Variants in DNHD1 observed in about 807,000 individuals in gnomAD.
DNHD1 encodes the protein dynein heavy chain domain 1.
In DNHD1, 383 loss-of-function variants were observed where a neutral mutation model predicts 458.1. That is an observed-to-expected ratio of 0.84 (90% confidence interval 0.77 to 0.91). The LOEUF is 0.91. Among genes scored for constraint, DNHD1 ranks in the 40% least tolerant of loss-of-function variants. The probability of loss-of-function intolerance (pLI) is 0.00; values close to 1 mark genes in which losing one functional copy is unlikely to be tolerated. For synonymous variants in DNHD1, 2,203 were observed against 2,376.9 expected, an observed-to-expected ratio of 0.93 and a Z score of 2.13; for missense variants, 5,336 against 5,866.1, an observed-to-expected ratio of 0.91 and a Z score of 2.95.
At chr11:6,552,529 A>AAT (rs902860150) in intron 24 of DNHD1, among the ~76,000 whole-genome samples, 9 of 151,856 alleles carry the variant, frequency 5.9e-5, no homozygotes, top group South Asian at 4.2e-4. Context: ...CGTCCCAAAA[A>AAT]ATATATATAT....
Position 6,548,786 on chromosome 11 carries a change from C to T in DNHD1, c.7240C>T (p.His2414Tyr). 6.4e-7 allele frequency: 1 copy of T among 1,551,652 alleles called. No homozygotes were observed. The highest frequency in any genetic ancestry group is 8.7e-7 in the Non-Finnish European group (1 of 1,146,984). Residue 2414 changes from histidine to tyrosine, a missense_variant, in exon 24 of 43, where the codon CAC becomes TAC. His to Tyr is a moderately conservative substitution (Grantham distance 83, BLOSUM62 2). Transcript: ENST00000254579. This position sits in a 1 kb window ranked among gnomAD's most constrained non-coding sequence, Gnocchi z 4.4. ...TCACCCTTACATATACAGCCCCATCCACCCTGCCTTCAGTTCCTCCCACCT... is the reference window on the plus strand; with the variant it reads ...TCACCCTTACATATACAGCCCCATCTACCCTGCCTTCAGTTCCTCCCACCT... The part of the protein sequence containing the change: ...PHHPYIYSPI[H>Y]PAFSSSHLRL...
At chr11:6,503,005 A>G (rs1055042826) in intron 4 of DNHD1, 79 bp downstream of exon 4, 55 of 1,500,572 alleles carry the variant, frequency 3.7e-5, no homozygotes, top group Non-Finnish European at 4.5e-5. Context: ...CTCTTTCTCC[A>G]CGTGCGCACC....
intron 24 of DNHD1, among the ~76,000 whole-genome samples, chr11:6,552,166 A>G (rs1194347276): frequency 6.7e-6 from 1 of 149,770 alleles, no homozygotes; most frequent in Admixed American, 6.6e-5. Context: ...AAATGGATAC[A>G]TGCTGTATTA....
chr11:6,553,117 T>C (rs554913204), intron 24 of DNHD1, among the ~76,000 whole-genome samples: 3 of 152,272 alleles, frequency 2.0e-5, no homozygotes, highest in East Asian at 1.9e-4. Flanking sequence ...CTCACTGAAA[T>C]ATTATTAAAT....
At chr11:6,528,838 A>G (rs186939760) in intron 11 of DNHD1, 40 bp from the exon 12 acceptor site, 2 of 1,550,292 alleles carry the variant, frequency 1.3e-6, no homozygotes, top group East Asian at 4.9e-5. Flanking sequence ...TTCCCATTAT[A>G]GCCGCATGCC....
Position 6,563,060 on chromosome 11 carries a change from G to C in DNHD1, c.9598G>C (p.Glu3200Gln), listed in dbSNP as rs200787537. The C allele has an allele frequency of 4.8e-4, 750 of 1,551,642 alleles. 4 individuals are homozygous for C. In the African/African-American group the frequency reaches 9.2e-3, roughly 19 times the overall value. ...GCAGCTGGAAGAGTGTCGGCATCAA[G>C]AGAACCTCATTGAGAACCTGGCCAG... ...KQQLEECRHQ[E>Q]NLIENLARQR... The change falls in exon 29 of 43, where the codon GAG becomes CAG. Residue 3200 changes from glutamate (E) to glutamine (Q), a missense_variant. Around this residue, in one of 4 missense-constraint regions of DNHD1, gnomAD observed 3,932 missense variants for 4,365.6 expected, o/e 0.90. Transcript: ENST00000254579.
chr11:6,530,319 A>G (rs988034460), intron 12 of DNHD1, among the ~76,000 whole-genome samples: 1 of 152,116 alleles, frequency 6.6e-6, no homozygotes, highest in African/African-American at 2.4e-5. Context: ...GGTCTCTGAG[A>G]AATCTGGCTT....
At chr11:6,520,439 T>C (rs1201411448) in intron 10 of DNHD1, 150 bp downstream of exon 10, 2 of 1,486,420 alleles carry the variant, frequency 1.3e-6, no homozygotes, top group East Asian at 5.0e-5. Flanking sequence ...ACTGCACATA[T>C]GTGTTGTGGG....
In DNHD1 at chr11:6,564,765, G is replaced by A. The variant is rs763743788; in HGVS notation, c.10717G>A (p.Glu3573Lys). Residue 3573 changes from glutamate (E) to lysine (K), a missense_variant, in exon 32 of 43, where the codon GAG (glutamate) becomes AAG (lysine). Physicochemically the swap from Glu to Lys is moderately conservative, Grantham distance 56. This residue lies in a region of DNHD1 where 695 missense variants were observed against 804.2 expected (regional missense o/e 0.86). Transcript: ENST00000254579. ...LIWLDPLPLE[E>K]NRSFAPALTE... ...CTGGTTGGACCCGCTGCCTCTGGAA[G>A]AGAATCGATCTTTTGCGCCAGCCCT... is the stretch of plus-strand genomic sequence containing the variant. The A allele has an allele frequency of 1.9e-6, 3 of 1,542,126 alleles. No individual in the cohort carries two copies. Among genetic ancestry groups the A allele is most frequent in the South Asian group, 2.4e-5 (2 of 83,756 alleles).
chr11:6,571,321 C>G lies in DNHD1; in HGVS notation c.13809C>G (p.Asp4603Glu), dbSNP rs868596752. ...CATTGCGTGGGGAAGCTGCCCTGGA[C>G]CAGAATGTGCCCAGCTCGAATTTCC... The part of the protein sequence containing the change: ...LLALRGEAAL[D>E]QNVPSSNFPG... Residue 4603 changes from aspartate (D) to glutamate (E), a missense_variant, in exon 42 of 43, where the codon GAC becomes GAG. Physicochemically the swap from Asp to Glu is conservative, Grantham distance 45 (BLOSUM62 2). This residue lies in a region of DNHD1 where 698 missense variants were observed against 664.9 expected (regional missense o/e 1.05). Transcript: ENST00000254579. The surrounding 1 kb of genome is among the most constrained non-coding windows in gnomAD (Gnocchi z 5.0). The G allele has an allele frequency of 1.5e-5, 24 of 1,612,452 alleles. No individual in the cohort carries two copies. Among genetic ancestry groups the G allele is most frequent in the Non-Finnish European group, 1.9e-5 (23 of 1,179,588 alleles).
chr11:6,562,310 G>C (rs1287633119), intron 28 of DNHD1, among the ~76,000 whole-genome samples: 1 of 152,142 alleles, frequency 6.6e-6, no homozygotes, highest in Non-Finnish European at 1.5e-5. Flanking sequence ...AGCTGAGGAC[G>C]CATAACCAAT....
chr11:6,546,449 AGCTGACTCT>A lies in DNHD1; in HGVS notation c.5515_5523del (p.Thr1839_Leu1841del). 6.4e-7 allele frequency: 1 copy of A among 1,551,252 alleles called. No individual in the cohort carries two copies. Among genetic ancestry groups the A allele is most frequent in the Non-Finnish European group, 8.7e-7 (1 of 1,147,004 alleles). On this transcript the variant is annotated inframe_deletion, in exon 21 of 43. Coordinates refer to ENST00000254579, the MANE Select transcript of DNHD1 (RefSeq NM_144666.3). ...TTGCCTGATCTGCGGCAAGTGGCAG[AGCTGACTCT>A]GCTGGGTGCAGGGATGAGGGATGCC... is the stretch of plus-strand genomic sequence containing the variant.
chr11:6,517,649 CTTCTTTTTT>C (rs1172423786), intron 7 of DNHD1, among the ~76,000 whole-genome samples: 11 of 85,666 alleles, frequency 1.3e-4, no homozygotes, highest in African/African-American at 4.4e-4. Context: ...TGATCTAGGA[CTTCTTTTTT>C]TTTTTTTTTT....
intron 7 of DNHD1, among the ~76,000 whole-genome samples, chr11:6,519,133 A>G (rs754928071): frequency 3.3e-5 from 5 of 152,184 alleles, no homozygotes; most frequent in African/African-American, 9.7e-5. Context: ...TAGAAAGTCT[A>G]TATCAGTGCC....
Position 6,548,296 on chromosome 11 carries a change from T to G in DNHD1, c.6992T>G (p.Phe2331Cys). ...YPEPPPSALV[F>C]DLHVSPEDGT... Reference sequence around the variant, plus strand: ...GAGCCACCACCCTCAGCCTTGGTGTTTGATCTACATGTAAGCCCTGAAGAT... The same window carrying G: ...GAGCCACCACCCTCAGCCTTGGTGTGTGATCTACATGTAAGCCCTGAAGAT... Residue 2331 changes from phenylalanine to cysteine, a missense_variant, in exon 23 of 43, where the codon TTT becomes TGT. Physicochemically the swap from Phe to Cys is radical, Grantham distance 205. Transcript: ENST00000254579. This position sits in a 1 kb window ranked among gnomAD's most constrained non-coding sequence, Gnocchi z 4.4. 1 of 1,551,722 alleles carries G rather than the reference T, an allele frequency of 6.4e-7. No individual in the cohort carries two copies. The highest frequency in any genetic ancestry group is 8.7e-7 in the Non-Finnish European group (1 of 1,146,998).
At chr11:6,550,912 A>G (rs1186058269) in intron 24 of DNHD1, among the ~76,000 whole-genome samples, 2 of 152,240 alleles carry the variant, frequency 1.3e-5, no homozygotes, top group Non-Finnish European at 1.5e-5. Context: ...ATCTGAAATC[A>G]TATTAAGAAA....
intron 6 of DNHD1, 101 bp downstream of exon 6, chr11:6,509,373 A>T (rs576677877): frequency 9.3e-7 from 1 of 1,073,686 alleles, no homozygotes; most frequent in Non-Finnish European, 1.3e-6. Flanking sequence ...ACAAAAAAGC[A>T]CTAAGAAAAA....
At position 6,517,652 on chromosome 11, in the gene DNHD1, CTTTTTTTTTTTTTT is replaced by C. The variant is rs59300977; in HGVS notation, c.1393-1927_1393-1914del. ...ACAAATACTGTATGATCTAGGACTT[CTTTTTTTTTTTTTT>C]TTTTTTTTTTTTTTTTTTTTAAGGG... On this transcript the variant is annotated intron_variant, in intron 7 of 42. Transcript: ENST00000254579. 2.2e-4 allele frequency among the ~76,000 whole-genome samples: 13 copies of C among 59,066 alleles called. No homozygotes were observed. In the East Asian group the frequency reaches 3.8e-3, roughly 17 times the overall value. 38.7% of individuals were successfully genotyped at this position (59,066 alleles called of 152,430 possible).
chr11:6,545,214 AG>A lies in DNHD1; in HGVS notation c.4279del (p.Ala1427GlnfsTer6). 1 of 1,551,894 alleles carries A rather than the reference AG, an allele frequency of 6.4e-7. No homozygotes were observed. The highest frequency in any genetic ancestry group is 8.7e-7 in the Non-Finnish European group (1 of 1,147,018). The stretch of plus-strand genomic sequence containing the variant: ...CTCAGGTGGAGGCACTTGCAGTGCT[AG>A]GGGCAGGTGGGGAGGAGGTGAAGCT... ...QTQVEALAVLGAGGEEVKLQG... is the reference protein window; with the variant it reads ...QTQVEALAVLXAGGEEVKLQG... On this transcript the variant is annotated frameshift_variant, in exon 21 of 43. Coordinates refer to ENST00000254579, the MANE Select transcript of DNHD1 (RefSeq NM_144666.3). This position sits in a 1 kb window ranked among gnomAD's most constrained non-coding sequence, Gnocchi z 4.9.
Sources: gnomAD v4.1 joint callset for allele counts (sites outside exome capture counted in the v4.1 genomes callset) on GRCh38, gnomAD v4.1.1 for gene constraint, gnomAD v4.1.1 regional missense constraint, Gnocchi (gnomAD v3.1) non-coding constraint, MANE v1.5 for transcripts, NCBI Gene and HGNC (gene_info 2026-07-23, HGNC 2026-07-21) for gene names.